Variants in OPCML observed in about 807,000 individuals in gnomAD.
OPCML encodes opioid binding protein/cell adhesion molecule like.
A neutral mutation model predicts 37.8 loss-of-function variants in OPCML; 13 were observed. The observed-to-expected ratio is 0.34, with a 90% CI of 0.22 to 0.55. OPCML has a LOEUF of 0.55. Among genes scored for constraint, OPCML ranks in the 20% least tolerant of loss-of-function variants. OPCML has a pLI of 0.91. For missense variants in OPCML, 341 were observed against 435.6 expected (o/e 0.78, Z 1.93); for synonymous variants, 176 against 168.8 (o/e 1.04, Z -0.33).
At chr11:133,097,928 T>C (rs554714239) in intron 1 of OPCML, among the ~76,000 whole-genome samples, 3 of 152,210 alleles carry the variant, frequency 2.0e-5, no homozygotes, top group Non-Finnish European at 2.9e-5. Context: ...TGAATTCTAC[T>C]ACATTTTTAA....
intron 1 of OPCML, among the ~76,000 whole-genome samples, chr11:133,095,530 A>C (rs1948987700): frequency 6.7e-6 from 1 of 148,896 alleles, no homozygotes; most frequent in Admixed American, 6.8e-5. Context: ...GTACCTTCAA[A>C]AAAATGCAGA....
intron 1 of OPCML, among the ~76,000 whole-genome samples, chr11:133,372,251 T>C (rs936613037): frequency 3.3e-5 from 5 of 152,200 alleles, no homozygotes; most frequent in Non-Finnish European, 5.9e-5. Flanking sequence ...GACTTGATCA[T>C]TACATATTTA....
intron 1 of OPCML, among the ~76,000 whole-genome samples, chr11:132,970,008 C>A (rs1298824488): frequency 6.6e-6 from 1 of 151,988 alleles, no homozygotes; most frequent in Non-Finnish European, 1.5e-5. Context: ...TTGTTGAAAT[C>A]TGAATATTTT....
chr11:132,545,824 C>T (rs2096367401), intron 3 of OPCML, among the ~76,000 whole-genome samples: 1 of 152,138 alleles, frequency 6.6e-6, no homozygotes, highest in Non-Finnish European at 1.5e-5. Flanking sequence ...TAACTAGTGC[C>T]CTATCCACAG....
chr11:133,193,103 G>A (rs1938391731), intron 1 of OPCML, among the ~76,000 whole-genome samples: 1 of 152,066 alleles, frequency 6.6e-6, no homozygotes, highest in Admixed American at 6.6e-5. Context: ...GGTCCTTCTG[G>A]TGGTGGCAAG....
intron 1 of OPCML, among the ~76,000 whole-genome samples, chr11:133,072,770 A>G (rs886442029): frequency 6.6e-6 from 1 of 152,226 alleles, no homozygotes; most frequent in Non-Finnish European, 1.5e-5. Flanking sequence ...TTTGTGCACC[A>G]CTGCACATCT....
chr11:133,088,003 A>G (rs1434281496), intron 1 of OPCML, among the ~76,000 whole-genome samples: 1 of 152,242 alleles, frequency 6.6e-6, no homozygotes, highest in Non-Finnish European at 1.5e-5. Context: ...TAAAATAAAT[A>G]TATGAGAAAA....
rs1017040270 is a variant in OPCML at position 132,963,074 on chromosome 11, T to A, written c.62-20064A>T. 2.6e-5 allele frequency among the ~76,000 whole-genome samples: 4 copies of A among 152,286 alleles called. No homozygotes were observed. In the East Asian group the frequency reaches 7.7e-4, roughly 29 times the overall value. On this transcript the variant is annotated intron_variant, in intron 1 of 7. Transcript: ENST00000524381. ...AACACGGGAAACTGGCATGTCATTA[T>A]CCACCCCACCACTAGAACCCCAGAT...
At chr11:132,875,403 T>C (rs1045345941) in intron 2 of OPCML, among the ~76,000 whole-genome samples, 4 of 152,170 alleles carry the variant, frequency 2.6e-5, no homozygotes, top group Admixed American at 2.0e-4. Flanking sequence ...ATATGGTAGC[T>C]TTCATTCATT....
chr11:133,322,406 T>C lies in OPCML; in HGVS notation c.61+209858A>G, dbSNP rs1943353200. ...AATGCCATTTTTCAGAAGTATTCTT[T>C]TCAACTGGGATATGCAAACAAATCG... On this transcript the variant is annotated intron_variant, in intron 1 of 7. Transcript: ENST00000524381. Among the ~76,000 whole-genome samples, 5 of 152,234 alleles carry C rather than the reference T, an allele frequency of 3.3e-5. No homozygotes were observed. In the South Asian group the frequency reaches 1.0e-3, roughly 32 times the overall value.
chr11:132,879,734 G>C (rs1397941425), intron 2 of OPCML, among the ~76,000 whole-genome samples: 1 of 152,132 alleles, frequency 6.6e-6, no homozygotes, highest in Non-Finnish European at 1.5e-5. Flanking sequence ...TTATCTATAA[G>C]ACTAGTTCAG....
intron 4 of OPCML, among the ~76,000 whole-genome samples, chr11:132,456,594 A>T (rs1040006898): frequency 1.3e-5 from 2 of 152,226 alleles, no homozygotes; most frequent in African/African-American, 4.8e-5. Flanking sequence ...AAATGATTCT[A>T]CCTGTGTTTC....
chr11:132,991,516 T>A (rs1946776695), intron 1 of OPCML, among the ~76,000 whole-genome samples: 1 of 152,200 alleles, frequency 6.6e-6, no homozygotes, highest in East Asian at 1.9e-4. Flanking sequence ...TTAACGAGCA[T>A]CAATGAGCCC....
At chr11:133,051,713 G>A (rs182001870) in intron 1 of OPCML, among the ~76,000 whole-genome samples, 2 of 152,242 alleles carry the variant, frequency 1.3e-5, no homozygotes, top group Admixed American at 6.5e-5. Context: ...ATAACACAAA[G>A]CTCAAATGTC....
At chr11:132,873,185 C>A (rs971341052) in intron 2 of OPCML, among the ~76,000 whole-genome samples, 1 of 152,192 alleles carries the variant, frequency 6.6e-6, no homozygotes, top group Admixed American at 6.5e-5. Context: ...TCTCCTCAGT[C>A]ATTTTCCAAG....
intron 1 of OPCML, among the ~76,000 whole-genome samples, chr11:133,387,725 T>G (rs1237820850): frequency 3.9e-5 from 6 of 152,234 alleles, no homozygotes; most frequent in Admixed American, 3.9e-4. Context: ...TCTGTCCACA[T>G]GGCTTGCGAT....
At chr11:132,538,755 C>G (rs1013760153) in intron 3 of OPCML, among the ~76,000 whole-genome samples, 2 of 152,176 alleles carry the variant, frequency 1.3e-5, no homozygotes, top group African/African-American at 4.8e-5. Flanking sequence ...TACTTGCCCA[C>G]TGTTTCCTCT....
rs1407158909 is a variant in OPCML, at chr11:132,417,548, G to A, written c.*2645C>T. 1 of 152,224 alleles carries A rather than the reference G, an allele frequency of 6.6e-6. No individual in the cohort carries two copies. The highest frequency in any genetic ancestry group is 1.5e-5 in the Non-Finnish European group (1 of 68,102). 9.4% of individuals were successfully genotyped at this position (152,224 alleles called of 1,614,324 possible). ...GCCCTGAAGCCAGCCTTGTTGGGTTGAGAGGTTCTGATGATCTTGGCCAAA... is the reference window on the plus strand; with the variant it reads ...GCCCTGAAGCCAGCCTTGTTGGGTTAAGAGGTTCTGATGATCTTGGCCAAA... On this transcript the variant is annotated 3_prime_UTR_variant, in exon 8 of 8. Transcript: ENST00000524381.
At chr11:133,325,760 A>C (rs1943435282) in intron 1 of OPCML, among the ~76,000 whole-genome samples, 1 of 152,194 alleles carries the variant, frequency 6.6e-6, no homozygotes, top group African/African-American at 2.4e-5. Flanking sequence ...CTCATATGGG[A>C]GAAAACTAGG....
Sources: allele counts gnomAD v4.1 joint callset (sites outside exome capture counted in the v4.1 genomes callset), GRCh38; gene constraint gnomAD v4.1.1; transcripts MANE v1.5; gene names NCBI Gene and HGNC (gene_info 2026-07-23, HGNC 2026-07-21).